Variants in MICU3 observed in about 807,000 individuals in gnomAD.
MICU3 encodes the protein mitochondrial calcium uptake 3, also known as calcium uptake protein 3, mitochondrial.
In MICU3, 62 loss-of-function variants were observed where a neutral mutation model predicts 66.5. The observed-to-expected ratio is 0.93, with a 90% CI of 0.76 to 1.15. MICU3 has a LOEUF of 1.15. MICU3 is among the 50% of genes most tolerant of loss of function. The probability of loss-of-function intolerance (pLI) is 0.00; values close to 1 mark genes in which losing one functional copy is unlikely to be tolerated. For synonymous variants in MICU3, 308 were observed against 240.7 expected (o/e 1.28, Z -2.59); for missense variants, 779 against 664.4 (o/e 1.17, Z -1.90).
intron 5 of MICU3, among the ~76,000 whole-genome samples, chr8:17,082,684 G>T (rs531554429): frequency 6.6e-6 from 1 of 152,138 alleles, no homozygotes; most frequent in African/African-American, 2.4e-5. Flanking sequence ...GGAATTTCCA[G>T]TTGTGGAGAT....
chr8:17,069,541 C>G, intron 2 of MICU3, 147 bp from the exon 3 acceptor site: 1 of 402,024 alleles, frequency 2.5e-6, no homozygotes, highest in Non-Finnish European at 4.7e-6. Context: ...GATCATATCA[C>G]AGATCCAAAT....
At chr8:17,063,307 TG>T (rs1463278913) in intron 1 of MICU3, among the ~76,000 whole-genome samples, 2 of 152,162 alleles carry the variant, frequency 1.3e-5, no homozygotes, top group Non-Finnish European at 2.9e-5. Flanking sequence ...TATTGAAGCA[TG>T]TATGGTAAAA....
At chr8:17,071,791 C>G (rs956075121) in intron 3 of MICU3, among the ~76,000 whole-genome samples, 2 of 151,920 alleles carry the variant, frequency 1.3e-5, no homozygotes, top group Non-Finnish European at 2.9e-5. Context: ...CAATTAGAAA[C>G]TAGTATTGAA....
rs938563397 is a variant in MICU3, at chr8:17,072,779, C to T, written c.567+3060C>T. On this transcript the variant is annotated intron_variant, in intron 3 of 14. Coordinates refer to ENST00000318063, the MANE Select transcript of MICU3 (RefSeq NM_181723.3). ...GGGTGTGCAAATTAAACCAATGATA[C>T]GATACTATTTGACACCCGCCAGATG... Among the ~76,000 whole-genome samples the T allele has an allele frequency of 4.6e-5, 7 of 152,234 alleles. No individual in the cohort carries two copies. In the East Asian group the frequency reaches 1.2e-3, roughly 25 times the overall value.
intron 1 of MICU3, among the ~76,000 whole-genome samples, chr8:17,039,450 C>G (rs1813649079): frequency 6.6e-6 from 1 of 152,178 alleles, no homozygotes; most frequent in Non-Finnish European, 1.5e-5. Context: ...CTGATCCCCT[C>G]TCTTAGTTTC....
At chr8:17,096,427 T>C (rs1800695044) in intron 8 of MICU3, among the ~76,000 whole-genome samples, 1 of 151,926 alleles carries the variant, frequency 6.6e-6, no homozygotes, top group African/African-American at 2.4e-5. Context: ...AATGTGCTCT[T>C]AACTTCATCG....
At chr8:17,098,173 G>A (rs60791240) in intron 8 of MICU3, among the ~76,000 whole-genome samples, 5,904 of 151,650 alleles carry the variant, frequency 0.039, 418 homozygotes, top group African/African-American at 0.14. Flanking sequence ...AGTTACACAC[G>A]TTTCAGTAGA....
At chr8:17,098,385 TTTAAAGTG>T in intron 8 of MICU3, 65 bp from the exon 9 acceptor site, 1 of 1,031,972 alleles carries the variant, frequency 9.7e-7, no homozygotes, top group Non-Finnish European at 1.5e-6. Flanking sequence ...GTTGGTTAGA[TTTAAAGTG>T]TATAAATTAT....
chr8:17,081,621 C>T (rs1821195389), intron 4 of MICU3, 72 bp from the exon 5 acceptor site: 2 of 416,870 alleles, frequency 4.8e-6, no homozygotes, highest in Non-Finnish European at 8.6e-6. Context: ...AAACTACAAG[C>T]TCATTATTTA....
At chr8:17,071,588 A>C (rs1819594656) in intron 3 of MICU3, among the ~76,000 whole-genome samples, 2 of 152,206 alleles carry the variant, frequency 1.3e-5, no homozygotes, top group South Asian at 4.1e-4. Flanking sequence ...AATTGAGACC[A>C]TAATATGTAG....
intron 2 of MICU3, among the ~76,000 whole-genome samples, chr8:17,067,035 A>G (rs1373927789): frequency 6.6e-6 from 1 of 152,238 alleles, no homozygotes; most frequent in African/African-American, 2.4e-5. Flanking sequence ...AAAGTTATAC[A>G]GGATATTTTA....
chr8:17,114,915 C>A (rs1297602120), intron 12 of MICU3, among the ~76,000 whole-genome samples: 2 of 151,762 alleles, frequency 1.3e-5, no homozygotes, highest in Admixed American at 6.6e-5. Flanking sequence ...GTCAGGAGAT[C>A]GAGACCATCC....
At chr8:17,046,570 A>T (rs1383910711) in intron 1 of MICU3, among the ~76,000 whole-genome samples, 1 of 152,130 alleles carries the variant, frequency 6.6e-6, no homozygotes, top group East Asian at 1.9e-4. Context: ...AGAAGAAACT[A>T]ATAACTGCAA....
intron 1 of MICU3, among the ~76,000 whole-genome samples, chr8:17,055,757 C>A (rs1179505848): frequency 6.6e-6 from 1 of 152,166 alleles, no homozygotes; most frequent in Non-Finnish European, 1.5e-5. Flanking sequence ...TGTCCTAGTA[C>A]GTTCTCTTGG....
At chr8:17,130,799 GA>G in the MICU3 span, among the ~76,000 whole-genome samples, 2 of 152,188 alleles carry the variant, frequency 1.3e-5, no homozygotes, top group African/African-American at 4.8e-5. Context: ...ACAACAAATA[GA>G]ATAAAATAGC....
chr8:17,047,869 G>A (rs1482499860), intron 1 of MICU3, among the ~76,000 whole-genome samples: 2 of 152,188 alleles, frequency 1.3e-5, no homozygotes, highest in African/African-American at 4.8e-5. Flanking sequence ...AATTCAAGAA[G>A]CAATGGAGAA....
chr8:17,095,061 A>T (rs991611183), intron 8 of MICU3, among the ~76,000 whole-genome samples: 4 of 152,008 alleles, frequency 2.6e-5, no homozygotes, highest in Non-Finnish European at 5.9e-5. Flanking sequence ...AGAGTAAAAC[A>T]ATTTTTGATA....
chr8:17,076,836 A>G (rs1820455123), intron 3 of MICU3, among the ~76,000 whole-genome samples: 1 of 152,200 alleles, frequency 6.6e-6, no homozygotes, highest in African/African-American at 2.4e-5. Context: ...TGATGCTTAA[A>G]CTATTGGGGA....
intron 1 of MICU3, 147 bp downstream of exon 1, chr8:17,027,807 C>A: frequency 1.9e-6 from 2 of 1,056,806 alleles, no homozygotes; most frequent in Non-Finnish European, 2.4e-6. Flanking sequence ...CTAGGCCGGA[C>A]AGCCTAGGAT....
Sources: allele counts gnomAD v4.1 joint callset (sites outside exome capture counted in the v4.1 genomes callset), GRCh38; gene constraint gnomAD v4.1.1; transcripts MANE v1.5; gene names NCBI Gene and HGNC (gene_info 2026-07-23, HGNC 2026-07-21).